Variants in DLG2 observed in about 807,000 individuals in gnomAD.
DLG2 encodes discs large MAGUK scaffold protein 2, also known as disks large homolog 2.
DLG2 carries 45 observed loss-of-function variants against 132.5 expected under a neutral mutation model. The ratio of observed to expected loss-of-function variants is 0.34; its 90% CI spans 0.27 to 0.44. The LOEUF is 0.44. Among genes scored for constraint, DLG2 ranks in the 20% least tolerant of loss-of-function variants. DLG2 has a pLI of 1.00. For missense variants in DLG2, 1,045 were observed against 1,196.9 expected (o/e 0.87, Z 1.87); for synonymous variants, 424 against 419.6 (o/e 1.01, Z -0.13).
chr11:84,786,809 C>T (rs2072973484), intron 6 of DLG2, among the ~76,000 whole-genome samples: 1 of 152,108 alleles, frequency 6.6e-6, no homozygotes, highest in African/African-American at 2.4e-5. Context: ...CAGTAAAAAT[C>T]GCTCTGTGAC....
At chr11:85,045,074 C>T (rs749543401) in intron 6 of DLG2, among the ~76,000 whole-genome samples, 3 of 151,952 alleles carry the variant, frequency 2.0e-5, no homozygotes, top group South Asian at 4.1e-4. Context: ...AGGCATGTGT[C>T]GCCCACCTGC....
chr11:85,027,251 A>T (rs10501585), intron 6 of DLG2, among the ~76,000 whole-genome samples: 21,446 of 147,986 alleles, frequency 0.14, 1,664 homozygotes, highest in South Asian at 0.27. Flanking sequence ...TGTTAAATAC[A>T]CATATGATAT....
chr11:84,251,088 T>A (rs2097365948), intron 8 of DLG2, 150 bp downstream of exon 8: 1 of 514,830 alleles, frequency 1.9e-6, no homozygotes. Context: ...AGACAAGATT[T>A]AGAAATTATT....
At chr11:83,642,368 C>T (rs929333051) in intron 18 of DLG2, among the ~76,000 whole-genome samples, 3 of 152,144 alleles carry the variant, frequency 2.0e-5, no homozygotes, top group Admixed American at 6.6e-5. Flanking sequence ...TCCATTCCTC[C>T]TCACCCCTTC....
intron 19 of DLG2, among the ~76,000 whole-genome samples, chr11:83,550,198 T>C (rs534473861): frequency 6.6e-6 from 1 of 152,280 alleles, no homozygotes; most frequent in East Asian, 1.9e-4. Context: ...TGACTGCAGA[T>C]AGAACTAATT....
intron 18 of DLG2, among the ~76,000 whole-genome samples, chr11:83,746,214 A>T (rs1230659251): frequency 6.6e-6 from 1 of 152,234 alleles, no homozygotes; most frequent in Non-Finnish European, 1.5e-5. Flanking sequence ...TGACCCAGCC[A>T]TCCCATTACT....
chr11:85,539,755 T>G (rs1329065183), intron 3 of DLG2, among the ~76,000 whole-genome samples: 1 of 152,026 alleles, frequency 6.6e-6, no homozygotes, highest in Non-Finnish European at 1.5e-5. Flanking sequence ...TTAAAAAAAG[T>G]TTTTAAAGAG....
At chr11:85,595,423 C>T (rs2079678336) in intron 3 of DLG2, among the ~76,000 whole-genome samples, 1 of 152,126 alleles carries the variant, frequency 6.6e-6, no homozygotes, top group Non-Finnish European at 1.5e-5. Flanking sequence ...ATGCTGTAAT[C>T]ATCTTAAAAC....
intron 11 of DLG2, among the ~76,000 whole-genome samples, chr11:84,025,322 C>T (rs2095508938): frequency 6.6e-6 from 1 of 152,078 alleles, no homozygotes; most frequent in Non-Finnish European, 1.5e-5. Context: ...CCTTGTAAAA[C>T]TACTAGATCT....
intron 11 of DLG2, among the ~76,000 whole-genome samples, chr11:84,055,328 C>T (rs1454789248): frequency 1.3e-5 from 2 of 152,118 alleles, no homozygotes; most frequent in African/African-American, 4.8e-5. Flanking sequence ...TCTGCTCTCA[C>T]TTCTGCCCTC....
At chr11:84,313,687 A>AAGAAAGAAAGAG (rs760229361) in intron 7 of DLG2, among the ~76,000 whole-genome samples, 3 of 141,286 alleles carry the variant, frequency 2.1e-5, no homozygotes, top group African/African-American at 5.2e-5. Context: ...GAAAGAAAGA[A>AAGAAAGAAAGAG]AAAGAAAGAG....
At chr11:84,565,460 A>G (rs1285886258) in intron 6 of DLG2, among the ~76,000 whole-genome samples, 1 of 152,200 alleles carries the variant, frequency 6.6e-6, no homozygotes, top group Non-Finnish European at 1.5e-5. Flanking sequence ...AGAACATAAT[A>G]GTGTCTAATA....
intron 7 of DLG2, among the ~76,000 whole-genome samples, chr11:84,351,743 A>G (rs2098574263): frequency 6.6e-6 from 1 of 152,210 alleles, no homozygotes; most frequent in Admixed American, 6.6e-5. Flanking sequence ...GGTGATTCCA[A>G]TTCTTGGCAT....
rs35765389 is a variant in DLG2 at position 85,393,629 on chromosome 11, A to ATGTGTGTG, written c.41-108272_41-108265dup. On this transcript the variant is annotated intron_variant, in intron 3 of 27. Coordinates refer to ENST00000376104, the MANE Select transcript of DLG2 (RefSeq NM_001142699.3). Reference sequence around the variant, plus strand: ...GTATATATATATATATGGTATGCATATGTGTGTGTGTGTGTGTGTGTGTGT... The same window carrying ATGTGTGTG: ...GTATATATATATATATGGTATGCATATGTGTGTGTGTGTGTGTGTGTGTGTGTGTGTGT... 4.2e-3 allele frequency among the ~76,000 whole-genome samples: 598 copies of ATGTGTGTG among 143,812 alleles called. 13 individuals are homozygous for ATGTGTGTG. The highest frequency in any genetic ancestry group is 5.6e-3 in the African/African-American group (220 of 38,984). 94.3% of individuals were successfully genotyped at this position (143,812 alleles called of 152,430 possible).
chr11:83,668,691 ATGTG>A (rs1185409572), intron 18 of DLG2, among the ~76,000 whole-genome samples: 1 of 16,550 alleles, frequency 6.0e-5, no homozygotes, highest in Non-Finnish European at 1.1e-4. Context: ...GTGTATATAT[ATGTG>A]TATATAAACA....
At chr11:83,659,321 G>T (rs1052718428) in intron 18 of DLG2, among the ~76,000 whole-genome samples, 1 of 152,122 alleles carries the variant, frequency 6.6e-6, no homozygotes, top group Admixed American at 6.6e-5. Flanking sequence ...GAGATTGAGG[G>T]AGAGAGAGAC....
intron 8 of DLG2, among the ~76,000 whole-genome samples, chr11:84,241,556 A>T (rs1430920899): frequency 1.3e-5 from 2 of 152,132 alleles, no homozygotes; most frequent in Non-Finnish European, 2.9e-5. Context: ...TATTCATTAG[A>T]CTAGGAAACA....
At chr11:83,749,033 G>A (rs1483750477) in intron 18 of DLG2, among the ~76,000 whole-genome samples, 1 of 152,120 alleles carries the variant, frequency 6.6e-6, no homozygotes, top group Non-Finnish European at 1.5e-5. Flanking sequence ...GACTGACTCT[G>A]AGGCAGCTGC....
intron 7 of DLG2, among the ~76,000 whole-genome samples, chr11:84,401,346 A>G (rs1370670869): frequency 6.6e-6 from 1 of 152,050 alleles, no homozygotes; most frequent in Non-Finnish European, 1.5e-5. Flanking sequence ...AACTTATTAT[A>G]CTTATTTTTG....
Sources: allele counts gnomAD v4.1 joint callset (sites outside exome capture counted in the v4.1 genomes callset), GRCh38; gene constraint gnomAD v4.1.1; transcripts MANE v1.5; gene names NCBI Gene and HGNC (gene_info 2026-07-23, HGNC 2026-07-21).